The following ZKSCAN1 variants were observed in gnomAD, a reference collection of about 807,000 sequenced individuals.
ZKSCAN1 encodes the protein zinc finger with KRAB and SCAN domains 1.
In ZKSCAN1, 14 loss-of-function variants were observed where a neutral mutation model predicts 51.6. The ratio of observed to expected loss-of-function variants is 0.27; its 90% confidence interval spans 0.18 to 0.42. The LOEUF is 0.42. ZKSCAN1 is among the 10% of genes least tolerant of loss of function. ZKSCAN1 has a pLI of 1.00. For missense variants in ZKSCAN1, 531 were observed against 710.0 expected (o/e 0.75, Z 2.86); for synonymous variants, 263 against 261.5 (o/e 1.01, Z -0.06).
At position 100,033,443 on chromosome 7, in the gene ZKSCAN1, A is replaced by G; in HGVS notation, c.938A>G (p.Glu313Gly). 6.2e-7 allele frequency: 1 copy of G among 1,614,060 alleles called. No homozygotes were observed. Among genetic ancestry groups the G allele is most frequent in the East Asian group, 2.2e-5 (1 of 44,866 alleles). Residue 313 changes from glutamate to glycine, a missense_variant, in exon 6 of 6, where the codon GAA (glutamate) becomes GGA (glycine). By Grantham distance (98) the Glu-to-Gly change is moderately conservative (BLOSUM62 -2). Transcript: ENST00000324306. This position sits in a 1 kb window ranked among gnomAD's most constrained non-coding sequence, Gnocchi z 4.1. ...EKRDQEGKTG[E>G]RQQKNPEEKT... ...CGTGACCAGGAGGGCAAAACAGGAG[A>G]AAGACAGCAGAAAAACCCTGAGGAG...
At position 100,033,396 on chromosome 7, in the gene ZKSCAN1, C is replaced by A. The variant is rs1791199936; in HGVS notation, c.891C>A (p.Ser297=). ...CACGCGGGGAGACAACAGGAAGATC[C>A]CAGAAAGAGTTTGGAGAGAAACGTG... ...SASRGETTGR[S]QKEFGEKRDQ... Residue 297 remains serine, a synonymous_variant, in exon 6 of 6, where the codon TCC becomes TCA. Coordinates refer to ENST00000324306, the MANE Select transcript of ZKSCAN1 (RefSeq NM_003439.4). This position sits in a 1 kb window ranked among gnomAD's most constrained non-coding sequence, Gnocchi z 4.1. 1 of 1,613,878 alleles carries A rather than the reference C, an allele frequency of 6.2e-7. No homozygotes were observed. Among genetic ancestry groups the A allele is most frequent in the East Asian group, 2.2e-5 (1 of 44,864 alleles).
Position 100,036,452 on chromosome 7 carries a change from C to A in ZKSCAN1, c.*2255C>A. Reference sequence around the variant, plus strand: ...GCAACTGAGGCCAGGTGCGGTGGCTCACGCCTGTAATCCCAGCACTTTGGG... The same window carrying A: ...GCAACTGAGGCCAGGTGCGGTGGCTAACGCCTGTAATCCCAGCACTTTGGG... On this transcript the variant is annotated 3_prime_UTR_variant, in exon 6 of 6. Transcript: ENST00000324306. The A allele has an allele frequency of 1.0e-6, 1 of 985,428 alleles. No homozygotes were observed. Among genetic ancestry groups the A allele is most frequent in the Non-Finnish European group, 1.2e-6 (1 of 829,926 alleles). 61.0% of individuals were successfully genotyped at this position (985,428 alleles called of 1,614,324 possible).
downstream of ZKSCAN1, chr7:100,044,718 A>T: frequency 1.2e-6 from 1 of 867,952 alleles, no homozygotes; most frequent in Non-Finnish European, 1.4e-6. Flanking sequence ...AGCACTGAAT[A>T]ATTTTTTTCA....
At position 100,036,653 on chromosome 7, in the gene ZKSCAN1, G is replaced by A. The variant is rs1791372852; in HGVS notation, c.*2456G>A. ...GAATCACTTGAACCCAGGAGGCAGA[G>A]GTTGCAGTGAGCCAAGATTGCACAC... On this transcript the variant is annotated 3_prime_UTR_variant, in exon 6 of 6. Transcript: ENST00000324306. 1.2e-6 allele frequency: 1 copy of A among 866,854 alleles called. No homozygotes were observed. Among genetic ancestry groups the A allele is most frequent in the Non-Finnish European group, 1.4e-6 (1 of 722,430 alleles). 53.7% of individuals were successfully genotyped at this position (866,854 alleles called of 1,614,324 possible). A position where few individuals can be genotyped will look rare whatever the true frequency, so the allele number is the denominator to read the frequency against.
At position 100,041,527 on chromosome 7, in the gene ZKSCAN1, A is replaced by C. The variant is rs1405774492; in HGVS notation, c.*7330A>C. 1.0e-6 allele frequency: 1 copy of C among 985,066 alleles called. No homozygotes were observed. Among genetic ancestry groups the C allele is most frequent in the Non-Finnish European group, 1.2e-6 (1 of 829,930 alleles). 61.0% of individuals were successfully genotyped at this position (985,066 alleles called of 1,614,324 possible). A position where few individuals can be genotyped will look rare whatever the true frequency, so the allele number is the denominator to read the frequency against. ...AGGCAGCATAATGAAATGTGTACACATACATAGTCAGTGGTCCATTTTAGG... is the reference window on the plus strand; with the variant it reads ...AGGCAGCATAATGAAATGTGTACACCTACATAGTCAGTGGTCCATTTTAGG... On this transcript the variant is annotated 3_prime_UTR_variant, in exon 6 of 6. Coordinates refer to ENST00000324306, the MANE Select transcript of ZKSCAN1 (RefSeq NM_003439.4).
rs1198090170 is a variant in ZKSCAN1, at chr7:100,035,227, A to G, written c.*1030A>G. On this transcript the variant is annotated 3_prime_UTR_variant, in exon 6 of 6. Transcript: ENST00000324306. ...AATATGGTAGCCTGGCCCAGCTTCTAAAGAGGACCTTCGTAGCCACAAGGC... is the reference window on the plus strand; with the variant it reads ...AATATGGTAGCCTGGCCCAGCTTCTGAAGAGGACCTTCGTAGCCACAAGGC... The G allele has an allele frequency of 6.6e-6, 1 of 152,212 alleles. No homozygotes were observed. Among genetic ancestry groups the G allele is most frequent in the Non-Finnish European group, 1.5e-5 (1 of 68,048 alleles). The allele number at this position is 152,212 out of a possible 1,614,324, so 9.4% of individuals were successfully genotyped here. A position where few individuals can be genotyped will look rare whatever the true frequency, so the allele number is the denominator to read the frequency against.
At position 100,033,782 on chromosome 7, in the gene ZKSCAN1, T is replaced by C. The variant is rs1042820454; in HGVS notation, c.1277T>C (p.Ile426Thr). ...LNSNLVLHQR[I>T]HTGEKPHECN... is the part of the protein sequence containing the mutation. The stretch of plus-strand genomic sequence containing the variant: ...TCCAACCTTGTCCTGCATCAGAGGA[T>C]CCACACAGGAGAGAAACCTCATGAA... The change falls in exon 6 of 6, where the codon ATC (isoleucine) becomes ACC (threonine). Residue 426 changes from isoleucine to threonine, a missense_variant. Ile to Thr is a moderately conservative substitution (Grantham distance 89, BLOSUM62 -1). Coordinates refer to ENST00000324306, the MANE Select transcript of ZKSCAN1 (RefSeq NM_003439.4). The surrounding 1 kb of genome is among the most constrained non-coding windows in gnomAD (Gnocchi z 4.1). 5 of 1,614,046 alleles carry C rather than the reference T, an allele frequency of 3.1e-6. No homozygotes were observed. The highest frequency in any genetic ancestry group is 3.4e-6 in the Non-Finnish European group (4 of 1,180,044).
In ZKSCAN1 at chr7:100,034,698, A is replaced by G; in HGVS notation, c.*501A>G. 1 of 350,040 alleles carries G rather than the reference A, an allele frequency of 2.9e-6. No homozygotes were observed. Among genetic ancestry groups the G allele is most frequent in the Non-Finnish European group, 4.0e-6 (1 of 247,918 alleles). 21.7% of individuals were successfully genotyped at this position (350,040 alleles called of 1,614,324 possible). ...CATGCTGCTCAAGGTAGTTATATAT[A>G]CGATAAGTTGTATATATGATCACTG... On this transcript the variant is annotated 3_prime_UTR_variant, in exon 6 of 6. Transcript: ENST00000324306.
rs1309192184 is a variant in ZKSCAN1 at position 100,040,247 on chromosome 7, C to G, written c.*6050C>G. The G allele has an allele frequency of 2.0e-6, 2 of 985,240 alleles. No individual in the cohort carries two copies. The highest frequency in any genetic ancestry group is 2.4e-6 in the Non-Finnish European group (2 of 829,918). 61.0% of individuals were successfully genotyped at this position (985,240 alleles called of 1,614,324 possible). On this transcript the variant is annotated 3_prime_UTR_variant, in exon 6 of 6. Coordinates refer to ENST00000324306, the MANE Select transcript of ZKSCAN1 (RefSeq NM_003439.4). ...TGGTTCCATTTAATAGCGGACACCA[C>G]CCCAATCTCATGTTTTCCTGTTACC...
Position 100,040,546 on chromosome 7 carries a change from T to G in ZKSCAN1, c.*6349T>G, listed in dbSNP as rs1584358254. Reference sequence around the variant, plus strand: ...ACTTGGATTTCATTCCAGTGTCAGGTTTGGGTTTTAAGTTCCTTTGGTCCA... The same window carrying G: ...ACTTGGATTTCATTCCAGTGTCAGGGTTGGGTTTTAAGTTCCTTTGGTCCA... On this transcript the variant is annotated 3_prime_UTR_variant, in exon 6 of 6. Transcript: ENST00000324306. 1.0e-6 allele frequency: 1 copy of G among 985,328 alleles called. No individual in the cohort carries two copies. The highest frequency in any genetic ancestry group is 5.2e-4 in the Middle Eastern group (1 of 1,914). 61.0% of individuals were successfully genotyped at this position (985,328 alleles called of 1,614,324 possible). A position where few individuals can be genotyped will look rare whatever the true frequency, so the allele number is the denominator to read the frequency against.
In ZKSCAN1 at chr7:100,040,684, T is replaced by C; in HGVS notation, c.*6487T>C. 1.0e-6 allele frequency: 1 copy of C among 985,406 alleles called. No homozygotes were observed. The highest frequency in any genetic ancestry group is 1.2e-6 in the Non-Finnish European group (1 of 829,948). 61.0% of individuals were successfully genotyped at this position (985,406 alleles called of 1,614,324 possible). ...GAAGAGGACGGTAACGGCCCCACAC[T>C]CCAGGCTGAGAAAGAGTAATTAGGA... On this transcript the variant is annotated 3_prime_UTR_variant, in exon 6 of 6. Coordinates refer to ENST00000324306, the MANE Select transcript of ZKSCAN1 (RefSeq NM_003439.4).
Position 100,037,663 on chromosome 7 carries a change from C to T in ZKSCAN1, c.*3466C>T. ...CATGTATAGCACTCATTGCTTCAGACAGAAAATGAATTCCGTCGGTATGTT... is the reference window on the plus strand; with the variant it reads ...CATGTATAGCACTCATTGCTTCAGATAGAAAATGAATTCCGTCGGTATGTT... On this transcript the variant is annotated 3_prime_UTR_variant, in exon 6 of 6. Coordinates refer to ENST00000324306, the MANE Select transcript of ZKSCAN1 (RefSeq NM_003439.4). 1.0e-6 allele frequency: 1 copy of T among 985,428 alleles called. No homozygotes were observed. The highest frequency in any genetic ancestry group is 1.2e-6 in the Non-Finnish European group (1 of 829,930). The allele number at this position is 985,428 out of a possible 1,614,324, so 61.0% of individuals were successfully genotyped here.
At chr7:100,043,938 A>G (rs999975426), downstream of ZKSCAN1, among the ~76,000 whole-genome samples, 6 of 151,558 alleles carry the variant, frequency 4.0e-5, no homozygotes, top group East Asian at 9.8e-4. Flanking sequence ...CACTACACCC[A>G]GCTAATTTTT....
Position 100,023,908 on chromosome 7 carries a change from G to A in ZKSCAN1, c.402G>A (p.Leu134=), listed in dbSNP as rs377569118. ...GEEAVTLLED[L]ELDLSGQQVP... ...AGGCCGTGACCCTTCTAGAAGACTT[G>A]GAGCTTGATTTATCAGGACAACAGG... The change falls in exon 2 of 6, where the codon TTG becomes TTA. Residue 134 remains leucine, a synonymous_variant. Coordinates refer to ENST00000324306, the MANE Select transcript of ZKSCAN1 (RefSeq NM_003439.4). The A allele has an allele frequency of 1.7e-5, 27 of 1,597,220 alleles. 1 individual carries two copies. The highest frequency in any genetic ancestry group is 1.3e-4 in the East Asian group (6 of 44,762).
At chr7:100,028,185 T>C (rs1466276254) in intron 3 of ZKSCAN1, among the ~76,000 whole-genome samples, 1 of 151,998 alleles carries the variant, frequency 6.6e-6, no homozygotes, top group Non-Finnish European at 1.5e-5. Flanking sequence ...AAACCCCGTC[T>C]CTACTAAAAA....
rs183027789 is a variant in ZKSCAN1 at position 100,025,254 on chromosome 7, A to G, written c.580+947A>G. ...GATCATAAATCTTTTTTAAAGGTCCATTTTATTTAAAATATATAAAAATAA... is the reference window on the plus strand; with the variant it reads ...GATCATAAATCTTTTTTAAAGGTCCGTTTTATTTAAAATATATAAAAATAA... On this transcript the variant is annotated intron_variant, in intron 3 of 5. Coordinates refer to ENST00000324306, the MANE Select transcript of ZKSCAN1 (RefSeq NM_003439.4). Among the ~76,000 whole-genome samples the G allele has an allele frequency of 2.0e-5, 3 of 149,668 alleles. No homozygotes were observed. The East Asian group carries it at 6.0e-4, about 30-fold the overall frequency.
intron 1 of ZKSCAN1, among the ~76,000 whole-genome samples, chr7:100,021,278 G>C (rs1179955991): frequency 5.9e-5 from 9 of 151,590 alleles, no homozygotes; most frequent in Admixed American, 5.9e-4. Flanking sequence ...CTGCTACCAT[G>C]CCCAGCTAAT....
intron 3 of ZKSCAN1, chr7:100,024,594 A>G: frequency 3.1e-6 from 1 of 327,840 alleles, no homozygotes; most frequent in South Asian, 3.4e-5. Flanking sequence ...CCCTGTCTCA[A>G]AAGCTACTTA....
In ZKSCAN1 at chr7:100,041,321, G is replaced by T. The variant is rs748430098; in HGVS notation, c.*7124G>T. ...GATGCTTGGTAGATGTTCAATACGT[G>T]ATTTTTTTTTTAATTGAATGTGTTC... On this transcript the variant is annotated 3_prime_UTR_variant, in exon 6 of 6. Coordinates refer to ENST00000324306, the MANE Select transcript of ZKSCAN1 (RefSeq NM_003439.4). 3.0e-6 allele frequency: 3 copies of T among 984,424 alleles called. No individual in the cohort carries two copies. The highest frequency in any genetic ancestry group is 6.2e-5 in the Admixed American group (1 of 16,236). 61.0% of individuals were successfully genotyped at this position (984,424 alleles called of 1,614,324 possible).
Sources: gnomAD v4.1 joint callset for allele counts (sites outside exome capture counted in the v4.1 genomes callset) on GRCh38, gnomAD v4.1.1 for gene constraint, Gnocchi (gnomAD v3.1) non-coding constraint, MANE v1.5 for transcripts, NCBI Gene and HGNC (gene_info 2026-07-23, HGNC 2026-07-21) for gene names.